Variants in PRKG1 observed in about 807,000 individuals in gnomAD.
The protein encoded by PRKG1 is cGMP-dependent protein kinase 1.
A neutral mutation model predicts 88.1 loss-of-function variants in PRKG1; 35 were observed. The ratio of observed to expected loss-of-function variants is 0.40; its 90% CI spans 0.30 to 0.53. PRKG1 has a LOEUF of 0.53. Ranked by LOEUF, PRKG1 falls within the 20% of genes least tolerant of loss-of-function variation. The pLI, the probability that PRKG1 is intolerant of heterozygous loss-of-function variation, is 0.59. For synonymous variants in PRKG1, 303 were observed against 292.5 expected (o/e 1.04, Z -0.37); for missense variants, 540 against 839.8 (o/e 0.64, Z 4.41).
Position 51,549,120 on chromosome 10 carries a change from C to CTTTTTTTTTTTTTTTTTTTTTTTTTTTTT in PRKG1, c.592+81305_592+81306insTTTTTTTTTTTTTTTTTTTTTTTTTTTTT. Among the ~76,000 whole-genome samples, 109 of 70,332 alleles carry CTTTTTTTTTTTTTTTTTTTTTTTTTTTTT rather than the reference C, an allele frequency of 1.5e-3. 19 individuals carry two copies. Among genetic ancestry groups the CTTTTTTTTTTTTTTTTTTTTTTTTTTTTT allele is most frequent in the East Asian group, 0.012 (11 of 898 alleles). The allele number at this position is 70,332 out of a possible 152,430, so 46.1% of individuals were successfully genotyped here. The stretch of plus-strand genomic sequence containing the variant: ...TTCTTTCCTTTCTTTCTTTTCTTTT[C>CTTTTTTTTTTTTTTTTTTTTTTTTTTTTT]TTTTTTTTTTTTTTTTTTTTTGAGA... On this transcript the variant is annotated intron_variant, in intron 3 of 17. Coordinates refer to ENST00000373980, the MANE Select transcript of PRKG1 (RefSeq NM_006258.4).
At chr10:51,748,371 G>A (rs72797399) in intron 3 of PRKG1, among the ~76,000 whole-genome samples, 14,003 of 152,222 alleles carry the variant, frequency 0.092, 765 homozygotes, top group African/African-American at 0.14. Flanking sequence ...TAATGGTGCT[G>A]AAGGGAATAT....
At chr10:51,194,015 T>G (rs952379810) in intron 2 of PRKG1, among the ~76,000 whole-genome samples, 10 of 152,176 alleles carry the variant, frequency 6.6e-5, no homozygotes, top group Admixed American at 1.3e-4. Context: ...TGTTTTCTCC[T>G]TAGTAGTCTT....
intron 3 of PRKG1, among the ~76,000 whole-genome samples, chr10:51,554,181 GTA>G (rs1228215444): frequency 6.8e-6 from 1 of 146,984 alleles, no homozygotes; most frequent in Non-Finnish European, 1.5e-5. Context: ...TGTGATATGT[GTA>G]TATATTATAT....
rs772012837 is a variant in PRKG1, at chr10:51,907,553, G to T, written c.745G>T (p.Ala249Ser). ...TCCTGAAGAGATCCTCAGCAAGCTT[G>T]CTGATGTCCTTGAAGAGGTAATTGT... ...SLPEEILSKL[A>S]DVLEETHYEN... is the part of the protein sequence containing the mutation. The change falls in exon 5 of 18, where the codon GCT becomes TCT. Residue 249 changes from alanine to serine, a missense_variant. Ala to Ser is a moderately conservative substitution (Grantham distance 99, BLOSUM62 1). This residue lies in a region of PRKG1 where 400 missense variants were observed against 562.7 expected (regional missense o/e 0.71). Transcript: ENST00000373980. 1 of 1,613,666 alleles carries T rather than the reference G, an allele frequency of 6.2e-7. No individual in the cohort carries two copies. Among genetic ancestry groups the T allele is most frequent in the Admixed American group, 1.7e-5 (1 of 59,998 alleles).
At chr10:51,585,139 A>G (rs916766895) in intron 3 of PRKG1, among the ~76,000 whole-genome samples, 13 of 152,046 alleles carry the variant, frequency 8.6e-5, no homozygotes, top group African/African-American at 3.1e-4. Context: ...ATGAATTATA[A>G]AACAGGGAGC....
intron 3 of PRKG1, among the ~76,000 whole-genome samples, chr10:51,729,706 CAAAAAAAAAAAAAA>C (rs34900286): frequency 7.6e-4 from 22 of 28,782 alleles, no homozygotes; most frequent in Non-Finnish European, 1.2e-3. Context: ...GACTCCATCT[CAAAAAAAAAAAAAA>C]AAAAAAAAAA....
At chr10:51,883,508 A>C (rs184918174) in intron 4 of PRKG1, among the ~76,000 whole-genome samples, 1 of 152,238 alleles carries the variant, frequency 6.6e-6, no homozygotes, top group Non-Finnish European at 1.5e-5. Context: ...ACTTCATTGC[A>C]GTATTGAGGT....
chr10:52,127,973 T>G, intron 7 of PRKG1: 2 of 941,870 alleles, frequency 2.1e-6, no homozygotes, highest in Non-Finnish European at 2.5e-6. Context: ...AACTCTACAA[T>G]TCTTGTTTAT....
chr10:51,015,030 T>G (rs529771955), intron 1 of PRKG1, among the ~76,000 whole-genome samples: 99 of 152,364 alleles, frequency 6.5e-4, no homozygotes, highest in Admixed American at 8.5e-4. Context: ...TTTCCCATCA[T>G]GTATGTTTAA....
chr10:52,168,860 A>G (rs554233716), intron 9 of PRKG1, among the ~76,000 whole-genome samples: 1 of 152,292 alleles, frequency 6.6e-6, no homozygotes, highest in African/African-American at 2.4e-5. Context: ...ACTAAGGTAG[A>G]GAAGCATTAT....
intron 2 of PRKG1, among the ~76,000 whole-genome samples, chr10:51,171,089 T>C (rs1449483101): frequency 1.3e-5 from 2 of 152,098 alleles, no homozygotes; most frequent in Non-Finnish European, 2.9e-5. Flanking sequence ...AGGAACTGTT[T>C]TGAAAGCTCA....
Position 51,769,946 on chromosome 10 carries a change from G to A in PRKG1, c.593-34639G>A, listed in dbSNP as rs145490421. On this transcript the variant is annotated intron_variant, in intron 3 of 17. Coordinates refer to ENST00000373980, the MANE Select transcript of PRKG1 (RefSeq NM_006258.4). ...GGAGCCACATTTAAAGTCATCCTGG[G>A]CCGCATGTGGCCTATGGGCCGTGTG... is the stretch of plus-strand genomic sequence containing the variant. Among the ~76,000 whole-genome samples the A allele has an allele frequency of 2.3e-3, 357 of 152,312 alleles. 1 individual carries two copies. Among genetic ancestry groups the A allele is most frequent in the Non-Finnish European group, 3.4e-3 (233 of 68,026 alleles).
intron 2 of PRKG1, among the ~76,000 whole-genome samples, chr10:51,234,069 C>T (rs1423884223): frequency 6.6e-6 from 1 of 152,156 alleles, no homozygotes; most frequent in East Asian, 1.9e-4. Flanking sequence ...AGTGCCCAAT[C>T]TGACCTTGGA....
intron 3 of PRKG1, among the ~76,000 whole-genome samples, chr10:51,737,311 G>A (rs183886729): frequency 9.9e-5 from 15 of 152,200 alleles, no homozygotes; most frequent in South Asian, 4.1e-4. Context: ...CTTTCTTACC[G>A]TTCATGGTAT....
chr10:51,801,870 G>T (rs1839183333), intron 3 of PRKG1, among the ~76,000 whole-genome samples: 1 of 152,100 alleles, frequency 6.6e-6, no homozygotes, highest in South Asian at 2.1e-4. Flanking sequence ...CTGAGAAAAT[G>T]ATATACGTTT....
rs200202131 is a variant in PRKG1, at chr10:52,229,084, A to AT, written c.1077-22477dup. Among the ~76,000 whole-genome samples, 281 of 150,732 alleles carry AT rather than the reference A, an allele frequency of 1.9e-3. 2 individuals carry two copies. Among genetic ancestry groups the AT allele is most frequent in the African/African-American group, 5.9e-3 (243 of 41,060 alleles). Reference sequence around the variant, plus strand: ...CTAAAGATTAGATCTTTTATGTACTATTTTTTTTTCTGTTGTCATTTGTCA... The same window carrying AT: ...CTAAAGATTAGATCTTTTATGTACTATTTTTTTTTTCTGTTGTCATTTGTCA... On this transcript the variant is annotated intron_variant, in intron 9 of 17. Transcript: ENST00000373980.
chr10:51,258,513 A>G (rs1266752879), intron 2 of PRKG1, among the ~76,000 whole-genome samples: 1 of 152,206 alleles, frequency 6.6e-6, no homozygotes, highest in Non-Finnish European at 1.5e-5. Flanking sequence ...GTCATTGCTT[A>G]GCTTCAGCCC....
At chr10:51,789,027 T>A (rs1838801231) in intron 3 of PRKG1, among the ~76,000 whole-genome samples, 1 of 152,184 alleles carries the variant, frequency 6.6e-6, no homozygotes. Flanking sequence ...TGAGTTAAAG[T>A]CACATCGTTT....
chr10:52,280,715 T>C, intron 12 of PRKG1, 74 bp from the exon 13 acceptor site: 1 of 1,509,986 alleles, frequency 6.6e-7, no homozygotes, highest in Non-Finnish European at 9.0e-7. Flanking sequence ...TATAGTGAAA[T>C]GAGAAAAAAA....
Sources: gnomAD v4.1 joint callset for allele counts (sites outside exome capture counted in the v4.1 genomes callset) on GRCh38, gnomAD v4.1.1 for gene constraint, gnomAD v4.1.1 regional missense constraint, MANE v1.5 for transcripts, NCBI Gene and HGNC (gene_info 2026-07-23, HGNC 2026-07-21) for gene names.